The following CFAP44 variants were observed in gnomAD, a reference collection of about 807,000 sequenced individuals.
CFAP44 encodes cilia- and flagella-associated protein 44.
A neutral mutation model predicts 216.2 loss-of-function variants in CFAP44; 134 were observed. The observed-to-expected ratio is 0.62, with a 90% CI of 0.54 to 0.72. The LOEUF (loss-of-function observed/expected upper bound fraction) is 0.72. CFAP44 is among the 30% of genes least tolerant of loss of function. CFAP44 has a pLI of 0.00. For missense variants in CFAP44, 2,035 were observed against 2,182.1 expected (o/e 0.93, Z 1.34); for synonymous variants, 700 against 727.6 (o/e 0.96, Z 0.61).
In CFAP44 at chr3:113,296,901, C is replaced by A; in HGVS notation, c.5078-16G>T. 1 of 1,537,190 alleles carries A rather than the reference C, an allele frequency of 6.5e-7. No homozygotes were observed. The highest frequency in any genetic ancestry group is 1.2e-5 in the South Asian group (1 of 84,048). ...TCCTCCATTTCTAAAAGAAGACAGT[C>A]ACTGGCTCAGGTTGTTCAATGGCTC... On this transcript the variant is annotated splice_polypyrimidine_tract_variant and intron_variant, in intron 32 of 34. Transcript: ENST00000393845.
intron 28 of CFAP44, among the ~76,000 whole-genome samples, chr3:113,315,336 G>A (rs577974912): frequency 6.6e-6 from 1 of 152,082 alleles, no homozygotes; most frequent in South Asian, 2.1e-4. Context: ...GAAACAGAAA[G>A]AAACCTTACA....
rs558763623 is a variant in CFAP44 at position 113,289,899 on chromosome 3, A to G, written c.*1658T>C. On this transcript the variant is annotated 3_prime_UTR_variant, in exon 35 of 35. Coordinates refer to ENST00000393845, the MANE Select transcript of CFAP44 (RefSeq NM_001164496.2). ...AATGGCCAAGGGAGTGAATTTGCTA[A>G]TAGCCCCTCCAGCTCCAGCCAAGCT... The G allele has an allele frequency of 6.6e-6, 1 of 152,426 alleles. No individual in the cohort carries two copies. Among genetic ancestry groups the G allele is most frequent in the South Asian group, 2.1e-4 (1 of 4,822 alleles). The allele number at this position is 152,426 out of a possible 1,614,324, so 9.4% of individuals were successfully genotyped here. A position where few individuals can be genotyped will look rare whatever the true frequency, so the allele number is the denominator to read the frequency against.
At position 113,419,103 on chromosome 3, in the gene CFAP44, G is replaced by T. The variant is rs75739919; in HGVS notation, c.570+914C>A. On this transcript the variant is annotated intron_variant, in intron 5 of 34. Coordinates refer to ENST00000393845, the MANE Select transcript of CFAP44 (RefSeq NM_001164496.2). ...AAATAGAAATTTTAAAACTATTACT[G>T]CCATAAAGTAATAGATAAATATGTG... Among the ~76,000 whole-genome samples the T allele has an allele frequency of 9.4e-3, 1,424 of 152,226 alleles. 20 individuals carry two copies. Among genetic ancestry groups the T allele is most frequent in the African/African-American group, 0.032 (1,330 of 41,512 alleles).
At chr3:113,403,378 AAGTG>A (rs745410894) in intron 9 of CFAP44, among the ~76,000 whole-genome samples, 1 of 152,230 alleles carries the variant, frequency 6.6e-6, no homozygotes, top group Non-Finnish European at 1.5e-5. Flanking sequence ...AAGAGAAAGC[AAGTG>A]AGGTCCCTAG....
At chr3:113,338,255 C>CAAAAAAAAAAAAAAAAAAAAAAAAAAA in intron 24 of CFAP44, among the ~76,000 whole-genome samples, 1 of 43,042 alleles carries the variant, frequency 2.3e-5, no homozygotes, top group Non-Finnish European at 3.7e-5. Flanking sequence ...GACAATGTCT[C>CAAAAAAAAAAAAAAAAAAAAAAAAAAA]AAAAAAAAAA....
intron 6 of CFAP44, among the ~76,000 whole-genome samples, chr3:113,411,040 T>C (rs1184782479): frequency 2.6e-5 from 4 of 152,242 alleles, no homozygotes; most frequent in Non-Finnish European, 4.4e-5. Context: ...AGATTCTGGA[T>C]ATTAGCCCTT....
chr3:113,361,534 C>T (rs1576569764), intron 21 of CFAP44, among the ~76,000 whole-genome samples: 2 of 149,536 alleles, frequency 1.3e-5, no homozygotes, highest in Non-Finnish European at 1.5e-5. Flanking sequence ...TCACTCTGTC[C>T]CCCAGGCTGG....
At chr3:113,317,308 C>T (rs1241600361) in intron 28 of CFAP44, among the ~76,000 whole-genome samples, 5 of 152,190 alleles carry the variant, frequency 3.3e-5, no homozygotes, top group Non-Finnish European at 4.4e-5. Context: ...TGACAGAGAG[C>T]GGCCATAGAC....
At chr3:113,421,180 G>A (rs1364336359) in intron 4 of CFAP44, among the ~76,000 whole-genome samples, 2 of 152,120 alleles carry the variant, frequency 1.3e-5, no homozygotes, top group Non-Finnish European at 1.5e-5. Flanking sequence ...AAAGCAGGCA[G>A]AGGACTTCAA....
chr3:113,362,881 T>C, intron 21 of CFAP44: 6 of 1,198,200 alleles, frequency 5.0e-6, no homozygotes, highest in Non-Finnish European at 5.2e-6. Flanking sequence ...TTCTACTTTA[T>C]TTCTTCCCCA....
At chr3:113,423,118 T>A (rs1934863472) in intron 4 of CFAP44, among the ~76,000 whole-genome samples, 1 of 142,708 alleles carries the variant, frequency 7.0e-6, no homozygotes, top group African/African-American at 2.6e-5. Flanking sequence ...TTTTTTTTTT[T>A]TTTTTTTTTT....
chr3:113,329,019 T>C lies in CFAP44; in HGVS notation c.4116+1149A>G, dbSNP rs75942955. Among the ~76,000 whole-genome samples the C allele has an allele frequency of 1.9e-3, 287 of 152,342 alleles. 2 individuals carry two copies. The highest frequency in any genetic ancestry group is 5.6e-3 in the African/African-American group (234 of 41,586). On this transcript the variant is annotated intron_variant, in intron 26 of 34. Coordinates refer to ENST00000393845, the MANE Select transcript of CFAP44 (RefSeq NM_001164496.2). ...ATCCAATAAATATTTGCTAAATTAA[T>C]AAATTAGTTACAATTAAATCAATCA...
chr3:113,437,610 C>T (rs1935267622), intron 1 of CFAP44, among the ~76,000 whole-genome samples: 1 of 152,110 alleles, frequency 6.6e-6, no homozygotes, highest in Admixed American at 6.6e-5. Flanking sequence ...AGGAATTTGC[C>T]CGGTGTTCTG....
At chr3:113,439,305 T>G (rs1219679435) in intron 1 of CFAP44, among the ~76,000 whole-genome samples, 1 of 152,184 alleles carries the variant, frequency 6.6e-6, no homozygotes, top group Non-Finnish European at 1.5e-5. Flanking sequence ...GAATGGGTTC[T>G]CACGCTTGTA....
intron 24 of CFAP44, among the ~76,000 whole-genome samples, chr3:113,337,396 C>T (rs1950290305): frequency 6.6e-6 from 1 of 152,046 alleles, no homozygotes; most frequent in African/African-American, 2.4e-5. Context: ...TAATACACTG[C>T]TTTAACATAA....
chr3:113,291,803 C>T, intron 34 of CFAP44, 55 bp from the exon 35 acceptor site: 3 of 1,524,740 alleles, frequency 2.0e-6, no homozygotes, highest in Non-Finnish European at 2.6e-6. Flanking sequence ...TGAAAAACTC[C>T]ATGCCCTTAT....
intron 29 of CFAP44, among the ~76,000 whole-genome samples, chr3:113,307,935 G>A (rs796838624): frequency 2.0e-5 from 3 of 152,022 alleles, no homozygotes; most frequent in South Asian, 2.1e-4. Context: ...AGCCGAGATC[G>A]TACCACTGTA....
chr3:113,365,938 G>T, intron 19 of CFAP44, 101 bp downstream of exon 19: 1 of 1,280,964 alleles, frequency 7.8e-7, no homozygotes. Context: ...TAAGGTGAAT[G>T]TGTCTAAATA....
At chr3:113,353,493 CACACAA>C (rs955873151) in intron 22 of CFAP44, among the ~76,000 whole-genome samples, 3 of 138,102 alleles carry the variant, frequency 2.2e-5, no homozygotes, top group East Asian at 2.3e-4. Flanking sequence ...CACACACACA[CACACAA>C]AACTTATATA....
Sources: gnomAD v4.1 joint callset for allele counts (sites outside exome capture counted in the v4.1 genomes callset) on GRCh38, gnomAD v4.1.1 for gene constraint, MANE v1.5 for transcripts, NCBI Gene and HGNC (gene_info 2026-07-23, HGNC 2026-07-21) for gene names.